KIR2DL1: variants seen among roughly 807,000 people sequenced by gnomAD.
KIR2DL1 encodes killer cell immunoglobulin-like receptor 2DL1.
In KIR2DL1, 38 loss-of-function variants were observed where a neutral mutation model predicts 33.9. That is an observed-to-expected ratio of 1.12 (90% CI 0.86 to 1.47). The LOEUF (loss-of-function observed/expected upper bound fraction) is 1.47. Among genes scored for constraint, KIR2DL1 ranks in the 40% most tolerant of loss-of-function variants. The pLI, the probability that KIR2DL1 is intolerant of heterozygous loss-of-function variation, is 0.00. For missense variants in KIR2DL1, 531 were observed against 433.9 expected, an observed-to-expected ratio of 1.22 and a Z score of -1.99; for synonymous variants, 179 against 165.9, an observed-to-expected ratio of 1.08 and a Z score of -0.61.
chr19:54,779,756 C>T (rs1439802522), intron 5 of KIR2DL1, among the ~76,000 whole-genome samples: 2 of 149,372 alleles, frequency 1.3e-5, no homozygotes, highest in African/African-American at 4.9e-5. Flanking sequence ...CTTCCACAAA[C>T]AGTGAACAAG....
rs1600884790 is a variant in KIR2DL1, at chr19:54,782,840, C to T, written c.716-82C>T. The T allele has an allele frequency of 1.9e-5, 28 of 1,478,382 alleles. No individual in the cohort carries two copies. The South Asian group carries it at 2.8e-4, about 15-fold the overall frequency. 91.6% of individuals were successfully genotyped at this position (1,478,382 alleles called of 1,614,324 possible). A position where few individuals can be genotyped will look rare whatever the true frequency, so the allele number is the denominator to read the frequency against. ...CCTAAAGAGGTGTTTTATGTGGTTA[C>T]CTGTCAATCAAGAAATGCGAGACAA... is the stretch of plus-strand genomic sequence containing the variant. On this transcript the variant is annotated intron_variant, in intron 5 of 7. Coordinates refer to ENST00000336077, the MANE Select transcript of KIR2DL1 (RefSeq NM_014218.3).
At position 54,783,551 on chromosome 19, in the gene KIR2DL1, C is replaced by G. The variant is rs528523800; in HGVS notation, c.870+13C>G. The stretch of plus-strand genomic sequence containing the variant: ...AGCGAATAGCGAGGTAGGTACTCCT[C>G]GGCCCGGGCTCGTGGCTACTGTTAT... On this transcript the variant is annotated intron_variant, in intron 7 of 7. Transcript: ENST00000336077. 15 of 1,613,860 alleles carry G rather than the reference C, an allele frequency of 9.3e-6. No homozygotes were observed. Among genetic ancestry groups the G allele is most frequent in the East Asian group, 8.9e-5 (4 of 44,880 alleles).
chr19:54,772,411 C>A (rs376017322), intron 2 of KIR2DL1, among the ~76,000 whole-genome samples: 3,541 of 119,470 alleles, frequency 0.03, no homozygotes, highest in South Asian at 0.046. Flanking sequence ...TTACCCACGA[C>A]AAACAGGGTC....
intron 5 of KIR2DL1, among the ~76,000 whole-genome samples, chr19:54,781,506 G>C (rs1488150500): frequency 1.3e-5 from 2 of 150,270 alleles, no homozygotes; most frequent in Non-Finnish European, 3.0e-5. Context: ...GATAGACCAT[G>C]GGGAGGTAAA....
chr19:54,781,925 C>T (rs1204434266), intron 5 of KIR2DL1, among the ~76,000 whole-genome samples: 4 of 152,068 alleles, frequency 2.6e-5, no homozygotes, highest in Non-Finnish European at 5.9e-5. Context: ...TAAACACCTC[C>T]TGGACTGCAC....
intron 3 of KIR2DL1, among the ~76,000 whole-genome samples, chr19:54,774,100 T>C (rs1474553532): frequency 1.3e-5 from 2 of 148,714 alleles, no homozygotes; most frequent in African/African-American, 2.5e-5. Flanking sequence ...GCCTTCCATG[T>C]AATGGAGAGT....
At position 54,784,171 on chromosome 19, in the gene KIR2DL1, A is replaced by G. The variant is rs564728745; in HGVS notation, c.*358A>G. The G allele has an allele frequency of 2.1e-3, 956 of 453,234 alleles. No individual in the cohort carries two copies. The highest frequency in any genetic ancestry group is 3.3e-3 in the Non-Finnish European group (828 of 250,982). 28.1% of individuals were successfully genotyped at this position (453,234 alleles called of 1,614,324 possible). ...CATACAAGAGGCTCCCTCTTAACGC[A>G]GCACTTAGACACGTGTTGTTCCACC... On this transcript the variant is annotated 3_prime_UTR_variant, in exon 8 of 8. Transcript: ENST00000336077.
Position 54,779,928 on chromosome 19 carries a change from G to A in KIR2DL1, c.715+1266G>A, listed in dbSNP as rs564966988. ...TTCTTTTGTTTATTGAGACAGAGTC[G>A]CCCTCTGTCTTCCAGGCTACAGTGC... is the stretch of plus-strand genomic sequence containing the variant. On this transcript the variant is annotated intron_variant, in intron 5 of 7. Transcript: ENST00000336077. 5.0e-5 allele frequency among the ~76,000 whole-genome samples: 6 copies of A among 120,280 alleles called. 1 individual carries two copies. The highest frequency in any genetic ancestry group is 5.9e-4 in the South Asian group (2 of 3,398). 78.9% of individuals were successfully genotyped at this position (120,280 alleles called of 152,430 possible).
chr19:54,776,760 C>T (rs2076393630), intron 4 of KIR2DL1, among the ~76,000 whole-genome samples: 2 of 146,498 alleles, frequency 1.4e-5, no homozygotes, highest in South Asian at 2.1e-4. Flanking sequence ...CCTGCCTCAG[C>T]CTCCCTAGTA....
rs543286356 is a variant in KIR2DL1, at chr19:54,783,508, G to T, written c.840G>T (p.Glu280Asp). Residue 280 changes from glutamate (E) to aspartate (D), a missense_variant, in exon 7 of 8, where the codon GAG becomes GAT. Transcript: ENST00000336077. Reference protein sequence around the residue: ...NKKNAAVMDQESAGNRTANSE... With the variant: ...NKKNAAVMDQDSAGNRTANSE... Reference sequence around the variant, plus strand: ...CAGATGCTGCGGTAATGGACCAAGAGTCTGCAGGAAACAGAACAGCGAATA... The same window carrying T: ...CAGATGCTGCGGTAATGGACCAAGATTCTGCAGGAAACAGAACAGCGAATA... 3.1e-6 allele frequency: 5 copies of T among 1,613,688 alleles called. No individual in the cohort carries two copies. The African/African-American group carries it at 4.0e-5, about 13-fold the overall frequency.
In KIR2DL1 at chr19:54,776,057, A is replaced by G. The variant is rs1363111405; in HGVS notation, c.664+599A>G. Among the ~76,000 whole-genome samples, 4 of 145,392 alleles carry G rather than the reference A, an allele frequency of 2.8e-5. 1 individual carries two copies. Among genetic ancestry groups the G allele is most frequent in the Non-Finnish European group, 6.1e-5 (4 of 65,068 alleles). On this transcript the variant is annotated intron_variant, in intron 4 of 7. Coordinates refer to ENST00000336077, the MANE Select transcript of KIR2DL1 (RefSeq NM_014218.3). The stretch of plus-strand genomic sequence containing the variant: ...CAGGCACGCACCACCACGCCAGGCT[A>G]CTTTTTGTATTTTTAGTAGAGAGGT...
In KIR2DL1 at chr19:54,784,251, G is replaced by C. The variant is rs2077432465; in HGVS notation, c.*438G>C. ...ACTAGCTTTCAGTCTTCTGTCAGCA[G>C]TAAAACTTATATATTTTTTAAAATA... is the stretch of plus-strand genomic sequence containing the variant. On this transcript the variant is annotated 3_prime_UTR_variant, in exon 8 of 8. Coordinates refer to ENST00000336077, the MANE Select transcript of KIR2DL1 (RefSeq NM_014218.3). The C allele has an allele frequency of 2.1e-5, 6 of 281,488 alleles. No homozygotes were observed. Among genetic ancestry groups the C allele is most frequent in the Non-Finnish European group, 4.0e-5 (6 of 148,310 alleles). The allele number at this position is 281,488 out of a possible 1,614,324, so 17.4% of individuals were successfully genotyped here.
intron 3 of KIR2DL1, among the ~76,000 whole-genome samples, chr19:54,774,538 GTAGATGA>G (rs2076106114): frequency 6.7e-6 from 1 of 148,152 alleles, no homozygotes; most frequent in South Asian, 2.1e-4. Flanking sequence ...TGATAAATAG[GTAGATGA>G]TAGATAATAG....
At chr19:54,773,873 G>A (rs996493164) in intron 3 of KIR2DL1, among the ~76,000 whole-genome samples, 1 of 148,348 alleles carries the variant, frequency 6.7e-6, no homozygotes, top group African/African-American at 2.5e-5. Flanking sequence ...AAGAGTTAAA[G>A]GAGACACACA....
At position 54,776,512 on chromosome 19, in the gene KIR2DL1, T is replaced by A. The variant is rs545363699; in HGVS notation, c.664+1054T>A. Among the ~76,000 whole-genome samples the A allele has an allele frequency of 5.2e-4, 77 of 147,540 alleles. 9 individuals carry two copies. The highest frequency in any genetic ancestry group is 1.8e-3 in the African/African-American group (71 of 40,450). ...GATGGGCAGGTAGGTTGACTCCTCA[T>A]CTTGGCTACTGTGAACAGTGCTGCA... is the stretch of plus-strand genomic sequence containing the variant. On this transcript the variant is annotated intron_variant, in intron 4 of 7. Coordinates refer to ENST00000336077, the MANE Select transcript of KIR2DL1 (RefSeq NM_014218.3).
At chr19:54,782,207 G>A (rs1238526774) in intron 5 of KIR2DL1, among the ~76,000 whole-genome samples, 1 of 151,342 alleles carries the variant, frequency 6.6e-6, no homozygotes, top group Non-Finnish European at 1.5e-5. Flanking sequence ...CTAAAGCACT[G>A]CATGACGTCC....
intron 4 of KIR2DL1, among the ~76,000 whole-genome samples, chr19:54,776,613 G>C (rs1600781217): frequency 1.4e-5 from 2 of 142,218 alleles, no homozygotes; most frequent in Middle Eastern, 3.6e-3. Context: ...TAGTGAAATT[G>C]CTGGATACTA....
chr19:54,783,920 T>A lies in KIR2DL1; in HGVS notation c.*107T>A. 5 of 1,479,632 alleles carry A rather than the reference T, an allele frequency of 3.4e-6. No individual in the cohort carries two copies. Among genetic ancestry groups the A allele is most frequent in the Non-Finnish European group, 4.7e-6 (5 of 1,058,682 alleles). 91.7% of individuals were successfully genotyped at this position (1,479,632 alleles called of 1,614,324 possible). A position where few individuals can be genotyped will look rare whatever the true frequency, so the allele number is the denominator to read the frequency against. On this transcript the variant is annotated 3_prime_UTR_variant, in exon 8 of 8. Coordinates refer to ENST00000336077, the MANE Select transcript of KIR2DL1 (RefSeq NM_014218.3). ...AGCAGCTGGAATCTGAAGGCGTGAG[T>A]CTGCATCTTAGGGCATCGATCTTCC...
At chr19:54,781,981 CAG>C (rs2077012296) in intron 5 of KIR2DL1, among the ~76,000 whole-genome samples, 1 of 151,960 alleles carries the variant, frequency 6.6e-6, no homozygotes, top group Non-Finnish European at 1.5e-5. Flanking sequence ...TCCAGGGAGA[CAG>C]AACACACAGA....
Sources: allele counts gnomAD v4.1 joint callset (sites outside exome capture counted in the v4.1 genomes callset), GRCh38; gene constraint gnomAD v4.1.1; transcripts MANE v1.5; gene names NCBI Gene and HGNC (gene_info 2026-07-23, HGNC 2026-07-21).